Variants in RRAS2 observed in about 807,000 individuals in gnomAD.
The protein encoded by RRAS2 is RAS related 2, also known as ras-related protein R-Ras2.
In RRAS2, 7 loss-of-function variants were observed where a neutral mutation model predicts 27.6. The observed-to-expected ratio is 0.25, with a 90% CI of 0.14 to 0.48. The LOEUF (loss-of-function observed/expected upper bound fraction) is 0.48, where lower values mean the gene tolerates loss of function less well. Among genes scored for constraint, RRAS2 ranks in the 20% least tolerant of loss-of-function variants. RRAS2 has a pLI of 0.99. For missense variants in RRAS2, 178 were observed against 256.2 expected (o/e 0.69, Z 2.08); for synonymous variants, 86 against 90.9 (o/e 0.95, Z 0.31).
intron 1 of RRAS2, among the ~76,000 whole-genome samples, chr11:14,324,797 G>C (rs1554950779): frequency 6.6e-6 from 1 of 151,818 alleles, no homozygotes; most frequent in African/African-American, 2.4e-5. Flanking sequence ...CACAAGAATA[G>C]GCAAAAAAGA....
chr11:14,283,148 G>A (rs1261655796), intron 4 of RRAS2, among the ~76,000 whole-genome samples: 1 of 152,102 alleles, frequency 6.6e-6, no homozygotes, highest in Non-Finnish European at 1.5e-5. Context: ...TTTGCCAAAT[G>A]TTTTTTCCTG....
chr11:14,301,966 G>C (rs925063954), intron 1 of RRAS2, among the ~76,000 whole-genome samples: 1 of 152,004 alleles, frequency 6.6e-6, no homozygotes, highest in African/African-American at 2.4e-5. Flanking sequence ...CTGGGCAACA[G>C]AGCGAGACTC....
intron 1 of RRAS2, among the ~76,000 whole-genome samples, chr11:14,327,218 T>C (rs1554951132): frequency 1.3e-5 from 2 of 152,224 alleles, no homozygotes; most frequent in African/African-American, 2.4e-5. Context: ...TATGCATACA[T>C]GAATTTCTTA....
rs188480779 is a variant in RRAS2 at position 14,289,327 on chromosome 11, T to C, written c.408+5144A>G. 5.0e-3 allele frequency among the ~76,000 whole-genome samples: 755 copies of C among 152,282 alleles called. 8 individuals are homozygous for C. The highest frequency in any genetic ancestry group is 0.023 in the Admixed American group (359 of 15,290). ...CAACCAAGGTAAGCCAGGAGAAAGA[T>C]GGTAAAGACAAAAAAGCAAAGACAG... On this transcript the variant is annotated intron_variant, in intron 4 of 5. Transcript: ENST00000256196.
At chr11:14,289,799 C>T (rs188625467) in intron 4 of RRAS2, among the ~76,000 whole-genome samples, 67 of 152,230 alleles carry the variant, frequency 4.4e-4, no homozygotes, top group African/African-American at 1.4e-3. Flanking sequence ...TATCCCTGAA[C>T]CCTGGTGGGG....
At chr11:14,340,333 T>C (rs1554953113) in intron 1 of RRAS2, among the ~76,000 whole-genome samples, 1 of 151,792 alleles carries the variant, frequency 6.6e-6, no homozygotes, top group African/African-American at 2.4e-5. Context: ...ACTCCTGACC[T>C]CAAGTGATCC....
At chr11:14,302,073 T>TACACACACACACAC (rs57730782) in intron 1 of RRAS2, among the ~76,000 whole-genome samples, 13,560 of 142,272 alleles carry the variant, frequency 0.095, 810 homozygotes, top group East Asian at 0.12. Context: ...ACCACACACA[T>TACACACACACACAC]ACACACACAC....
chr11:14,311,523 C>A (rs1490245445), intron 1 of RRAS2, among the ~76,000 whole-genome samples: 1 of 151,934 alleles, frequency 6.6e-6, no homozygotes, highest in African/African-American at 2.4e-5. Context: ...CGTGCCAACA[C>A]GCCAAGCTAA....
At chr11:14,341,071 G>A (rs17565604) in intron 1 of RRAS2, among the ~76,000 whole-genome samples, 2 of 151,984 alleles carry the variant, frequency 1.3e-5, no homozygotes, top group African/African-American at 4.8e-5. Flanking sequence ...CCTGTCATAC[G>A]CAAAGCCACC....
At chr11:14,329,110 T>C (rs782726360) in intron 1 of RRAS2, among the ~76,000 whole-genome samples, 1 of 151,014 alleles carries the variant, frequency 6.6e-6, no homozygotes, top group Non-Finnish European at 1.5e-5. Flanking sequence ...CATATACATA[T>C]ATATATATAT....
chr11:14,315,348 C>T lies in RRAS2; in HGVS notation c.109-19493G>A, dbSNP rs146421810. On this transcript the variant is annotated intron_variant, in intron 1 of 5. Coordinates refer to ENST00000256196, the MANE Select transcript of RRAS2 (RefSeq NM_012250.6). Reference sequence around the variant, plus strand: ...CTCTGTGGTCTTCCTAACCCAAAACCCATAACCCTACACCTGTCATGAGAA... The same window carrying T: ...CTCTGTGGTCTTCCTAACCCAAAACTCATAACCCTACACCTGTCATGAGAA... Among the ~76,000 whole-genome samples the T allele has an allele frequency of 2.7e-3, 417 of 152,292 alleles. 1 individual carries two copies. The highest frequency in any genetic ancestry group is 9.4e-3 in the African/African-American group (390 of 41,552).
intron 1 of RRAS2, among the ~76,000 whole-genome samples, chr11:14,350,541 C>G (rs1323808707): frequency 6.6e-6 from 1 of 152,110 alleles, no homozygotes; most frequent in Non-Finnish European, 1.5e-5. Flanking sequence ...CCTGCAAAAA[C>G]TCTAAGCCAA....
chr11:14,292,811 T>C (rs1335011077), intron 4 of RRAS2, among the ~76,000 whole-genome samples: 2 of 151,990 alleles, frequency 1.3e-5, no homozygotes, highest in African/African-American at 4.8e-5. Flanking sequence ...ATTAAGATAA[T>C]ATATCATTTT....
chr11:14,297,646 T>C (rs1214606928), intron 1 of RRAS2, among the ~76,000 whole-genome samples: 5 of 151,862 alleles, frequency 3.3e-5, no homozygotes, highest in Non-Finnish European at 7.4e-5. Flanking sequence ...CCTGTAGTCC[T>C]AGTTACTCCG....
At chr11:14,312,130 G>A (rs782318631) in intron 1 of RRAS2, among the ~76,000 whole-genome samples, 1 of 152,196 alleles carries the variant, frequency 6.6e-6, no homozygotes. Flanking sequence ...CTTCCAAAGT[G>A]CTGGGATTAC....
In RRAS2 at chr11:14,298,081, A is replaced by G. The variant is rs151089502; in HGVS notation, c.109-2226T>C. On this transcript the variant is annotated intron_variant, in intron 1 of 5. Transcript: ENST00000256196. Reference sequence around the variant, plus strand: ...CAAAAAGTAAATAAATTTTACTGGCAACAATATTCTCTACACCCACTATTT... The same window carrying G: ...CAAAAAGTAAATAAATTTTACTGGCGACAATATTCTCTACACCCACTATTT... Among the ~76,000 whole-genome samples the G allele has an allele frequency of 3.2e-3, 491 of 152,232 alleles. 8 individuals carry two copies. The East Asian group carries it at 0.04, about 12-fold the overall frequency.
chr11:14,295,652 C>A, intron 2 of RRAS2, 116 bp downstream of exon 2: 1 of 737,426 alleles, frequency 1.4e-6, no homozygotes. Flanking sequence ...ATGACATGGG[C>A]TAATATTCCA....
rs189181947 is a variant in RRAS2, at chr11:14,351,958, T to G, written c.108+6805A>C. On this transcript the variant is annotated intron_variant, in intron 1 of 5. Coordinates refer to ENST00000256196, the MANE Select transcript of RRAS2 (RefSeq NM_012250.6). ...TTTTTCGGAAATACACAAAGAGATA[T>G]TTAAGGATAAGGGTGGCATCATGTC... Among the ~76,000 whole-genome samples the G allele has an allele frequency of 8.0e-4, 121 of 151,664 alleles. 4 individuals carry two copies. Among genetic ancestry groups the G allele is most frequent in the Admixed American group, 7.9e-3 (120 of 15,210 alleles).
At chr11:14,291,959 A>G (rs2133957435) in intron 4 of RRAS2, among the ~76,000 whole-genome samples, 1 of 152,326 alleles carries the variant, frequency 6.6e-6, no homozygotes, top group African/African-American at 2.4e-5. Context: ...TTTACTTTTT[A>G]TATACACTTT....
Sources: gnomAD v4.1 joint callset for allele counts (sites outside exome capture counted in the v4.1 genomes callset) on GRCh38, gnomAD v4.1.1 for gene constraint, MANE v1.5 for transcripts, NCBI Gene and HGNC (gene_info 2026-07-23, HGNC 2026-07-21) for gene names.